The following LIN28B variants were observed in gnomAD, a reference collection of about 807,000 sequenced individuals.
The protein encoded by LIN28B is lin-28 RNA binding posttranscriptional regulator B.
A neutral mutation model predicts 21.9 loss-of-function variants in LIN28B; 5 were observed. The observed-to-expected ratio is 0.23, with a 90% CI of 0.12 to 0.48. The LOEUF is 0.48. Ranked by LOEUF, LIN28B falls within the 20% of genes least tolerant of loss-of-function variation. The pLI, the probability that LIN28B is intolerant of heterozygous loss-of-function variation, is 0.98. For synonymous variants in LIN28B, 109 were observed against 111.3 expected (o/e 0.98, Z 0.13); for missense variants, 245 against 310.5 (o/e 0.79, Z 1.58).
chr6:105,044,823 C>T (rs1262308211), intron 3 of LIN28B, among the ~76,000 whole-genome samples: 1 of 152,008 alleles, frequency 6.6e-6, no homozygotes, highest in East Asian at 1.9e-4. Context: ...CACGTTCTAC[C>T]CAATGGAAAT....
chr6:104,981,002 G>C (rs1249859854), intron 2 of LIN28B, among the ~76,000 whole-genome samples: 3 of 152,040 alleles, frequency 2.0e-5, no homozygotes, highest in Admixed American at 2.0e-4. Flanking sequence ...ATGCCAAGCA[G>C]AACTAAGGTT....
chr6:105,009,674 C>T (rs1454890338), intron 2 of LIN28B, among the ~76,000 whole-genome samples: 1 of 152,134 alleles, frequency 6.6e-6, no homozygotes, highest in Non-Finnish European at 1.5e-5. Context: ...ATCAGCTCCA[C>T]GAAGATGGCT....
At chr6:105,032,896 T>TG (rs1771453329) in intron 3 of LIN28B, among the ~76,000 whole-genome samples, 1 of 152,176 alleles carries the variant, frequency 6.6e-6, no homozygotes, top group Admixed American at 6.5e-5. Flanking sequence ...CATTTTTTAC[T>TG]GGGTTGTGTG....
chr6:105,023,258 TA>T (rs1448044563), intron 2 of LIN28B, among the ~76,000 whole-genome samples: 1 of 81,630 alleles, frequency 1.2e-5, no homozygotes, highest in African/African-American at 4.8e-5. Context: ...TATTTATATA[TA>T]ATTATTATTT....
intron 2 of LIN28B, among the ~76,000 whole-genome samples, chr6:105,009,469 GTTA>G (rs1023512433): frequency 2.0e-5 from 3 of 152,046 alleles, no homozygotes; most frequent in African/African-American, 7.2e-5. Flanking sequence ...GGGGAGGCGT[GTTA>G]TTATTTTTAC....
chr6:105,049,017 T>A lies in LIN28B; in HGVS notation c.383+22535T>A, dbSNP rs1771834532. On this transcript the variant is annotated intron_variant, in intron 3 of 3. Transcript: ENST00000345080. ...AGGGTTTTTTGTGTCTCTATTTCCT[T>A]CAGTTCTGCTCTGATCTTAGTTATT... Among the ~76,000 whole-genome samples, 3 of 152,210 alleles carry A rather than the reference T, an allele frequency of 2.0e-5. No individual in the cohort carries two copies. The South Asian group carries it at 6.2e-4, about 31-fold the overall frequency.
intron 2 of LIN28B, among the ~76,000 whole-genome samples, chr6:105,009,271 T>C (rs778185164): frequency 7.9e-5 from 12 of 152,206 alleles, no homozygotes; most frequent in Non-Finnish European, 1.6e-4. Context: ...TAATAGTGCA[T>C]GTTATATGTT....
intron 2 of LIN28B, among the ~76,000 whole-genome samples, chr6:105,002,083 T>G (rs923018856): frequency 1.3e-5 from 2 of 152,168 alleles, no homozygotes; most frequent in African/African-American, 4.8e-5. Context: ...AACTTGTTTT[T>G]TATGCCTGGA....
intron 2 of LIN28B, among the ~76,000 whole-genome samples, chr6:105,001,955 T>C (rs1012318829): frequency 5.3e-5 from 8 of 152,204 alleles, no homozygotes; most frequent in African/African-American, 1.7e-4. Flanking sequence ...TATTTTTCTA[T>C]TGCATCTGGT....
At chr6:105,029,334 G>A (rs576653064) in intron 3 of LIN28B, among the ~76,000 whole-genome samples, 5 of 152,280 alleles carry the variant, frequency 3.3e-5, no homozygotes, top group Non-Finnish European at 7.3e-5. Flanking sequence ...GGAGAGAGGA[G>A]AACGATTACT....
At chr6:105,006,198 GTA>G (rs576083300) in intron 2 of LIN28B, among the ~76,000 whole-genome samples, 1 of 152,080 alleles carries the variant, frequency 6.6e-6, no homozygotes, top group Non-Finnish European at 1.5e-5. Context: ...TTGCCAACCA[GTA>G]TATTTTTTAC....
chr6:105,023,915 T>C (rs1026622543), intron 2 of LIN28B, among the ~76,000 whole-genome samples: 11 of 151,552 alleles, frequency 7.3e-5, no homozygotes, highest in African/African-American at 2.7e-4. Flanking sequence ...CTAGGAACTA[T>C]GCACCAACTC....
chr6:105,042,343 T>C (rs944223075), intron 3 of LIN28B, among the ~76,000 whole-genome samples: 1 of 152,238 alleles, frequency 6.6e-6, no homozygotes, highest in African/African-American at 2.4e-5. Flanking sequence ...TAAGTTGATA[T>C]ACCACTTCCT....
At chr6:105,042,024 C>G (rs1026763417) in intron 3 of LIN28B, among the ~76,000 whole-genome samples, 2 of 152,138 alleles carry the variant, frequency 1.3e-5, no homozygotes, top group Non-Finnish European at 2.9e-5. Context: ...GCAATTCTCA[C>G]AAAAGTTCAG....
intron 3 of LIN28B, among the ~76,000 whole-genome samples, chr6:105,054,496 T>TTTA (rs1426298704): frequency 1.3e-5 from 2 of 152,268 alleles, no homozygotes; most frequent in African/African-American, 4.8e-5. Flanking sequence ...TCTAGTTTTA[T>TTTA]TTATTACTTT....
At chr6:104,990,023 C>G (rs1237467522) in intron 2 of LIN28B, among the ~76,000 whole-genome samples, 1 of 152,118 alleles carries the variant, frequency 6.6e-6, no homozygotes, top group East Asian at 1.9e-4. Context: ...GTTTTCATTA[C>G]CATTCAGTGA....
intron 3 of LIN28B, among the ~76,000 whole-genome samples, chr6:105,047,272 G>A (rs1771788965): frequency 6.6e-6 from 1 of 152,102 alleles, no homozygotes. Flanking sequence ...TATTAAATAG[G>A]GAATCCTTTC....
rs192781147 is a variant in LIN28B at position 105,008,568 on chromosome 6, C to T, written c.199-17730C>T. On this transcript the variant is annotated intron_variant, in intron 2 of 3. Coordinates refer to ENST00000345080, the MANE Select transcript of LIN28B (RefSeq NM_001004317.4). ...CTGAGGCAGGAGAATGGCGTGAACC[C>T]GGGAGGTGGAGTTTGCAGTGAGCCG... Among the ~76,000 whole-genome samples, 693 of 150,722 alleles carry T rather than the reference C, an allele frequency of 4.6e-3. 6 individuals are homozygous for T. Among genetic ancestry groups the T allele is most frequent in the African/African-American group, 0.016 (662 of 40,974 alleles).
intron 2 of LIN28B, among the ~76,000 whole-genome samples, chr6:105,012,203 C>G (rs1770938175): frequency 6.6e-6 from 1 of 151,406 alleles, no homozygotes; most frequent in African/African-American, 2.4e-5. Flanking sequence ...TGCGGTGGCT[C>G]ACACCTGTAA....
Sources: gnomAD v4.1 joint callset for allele counts (sites outside exome capture counted in the v4.1 genomes callset) on GRCh38, gnomAD v4.1.1 for gene constraint, MANE v1.5 for transcripts, NCBI Gene and HGNC (gene_info 2026-07-23, HGNC 2026-07-21) for gene names.